LYPLAL1: variants seen among roughly 807,000 people sequenced by gnomAD.
LYPLAL1 encodes lysophospholipase-like protein 1.
Under a neutral mutation model 19.7 loss-of-function variants are expected in LYPLAL1, and 23 were observed. That is an observed-to-expected ratio of 1.17 (90% confidence interval 0.84 to 1.65). The LOEUF is 1.65. Ranked by LOEUF, LYPLAL1 falls within the 40% of genes most tolerant of loss-of-function variation. The probability of loss-of-function intolerance (pLI) is 0.00; values close to 1 mark genes in which losing one functional copy is unlikely to be tolerated. For synonymous variants in LYPLAL1, 119 were observed against 96.3 expected (o/e 1.24, Z -1.38); for missense variants, 355 against 279.4 (o/e 1.27, Z -1.93).
At chr1:219,382,887 G>A in the LYPLAL1 span, among the ~76,000 whole-genome samples, 437 of 149,212 alleles carry the variant, frequency 2.9e-3, 1 homozygote, top group Non-Finnish European at 5.2e-3. Flanking sequence ...CAAAAAATAT[G>A]GCCAACTCCA....
chr1:219,307,023 CATATATATATATATATATGTAT>C, the LYPLAL1 span, among the ~76,000 whole-genome samples: 27,723 of 119,392 alleles, frequency 0.23, 3,598 homozygotes, highest in Non-Finnish European at 0.34. Flanking sequence ...TATACACATA[CATATATATATATATATATGTAT>C]ATATATATAT....
the LYPLAL1 span, among the ~76,000 whole-genome samples, chr1:219,312,008 G>T: frequency 6.6e-6 from 1 of 152,138 alleles, no homozygotes; most frequent in Non-Finnish European, 1.5e-5. Context: ...ATTTTTGTTT[G>T]AATTACTCTA....
chr1:219,305,474 A>G, the LYPLAL1 span, among the ~76,000 whole-genome samples: 9 of 152,202 alleles, frequency 5.9e-5, no homozygotes, highest in African/African-American at 1.7e-4. Context: ...TCATTTATCT[A>G]TAAAGGATGT....
chr1:219,174,808 G>A lies in LYPLAL1; in HGVS notation c.91+827G>A, dbSNP rs994917093. 8 of 694,316 alleles carry A rather than the reference G, an allele frequency of 1.2e-5. No individual in the cohort carries two copies. The Admixed American group carries it at 2.5e-4, about 22-fold the overall frequency. The allele number at this position is 694,316 out of a possible 1,614,324, so 43.0% of individuals were successfully genotyped here. ...GAAATGTTTTTTAAAGAAATGAGAT[G>A]CAGCCGGTGTCCTCAGGGGGCCTAC... On this transcript the variant is annotated intron_variant, in intron 1 of 4. Transcript: ENST00000366928.
the LYPLAL1 span, among the ~76,000 whole-genome samples, chr1:219,427,030 T>A: frequency 6.6e-6 from 1 of 152,264 alleles, no homozygotes; most frequent in South Asian, 2.1e-4. Context: ...TAGCCCCATA[T>A]TATAATAATA....
At chr1:219,289,550 TCTATAATACAAGCCAATAGG>T in the LYPLAL1 span, among the ~76,000 whole-genome samples, 3 of 152,062 alleles carry the variant, frequency 2.0e-5, no homozygotes, top group African/African-American at 7.2e-5. Flanking sequence ...CACATAAAAA[TCTATAATACAAGCCAATAGG>T]CTGTAGAGTG....
At chr1:219,254,872 G>A in the LYPLAL1 span, among the ~76,000 whole-genome samples, 8 of 151,948 alleles carry the variant, frequency 5.3e-5, no homozygotes, top group Admixed American at 5.3e-4. Context: ...TATTTTCCAA[G>A]TTGTCTGCCC....
chr1:219,205,668 ATAGT>A (rs1307842061), intron 3 of LYPLAL1, among the ~76,000 whole-genome samples: 1 of 152,128 alleles, frequency 6.6e-6, no homozygotes, highest in African/African-American at 2.4e-5. Flanking sequence ...AAATGAAGGG[ATAGT>A]TAGAATTCCC....
the LYPLAL1 span, among the ~76,000 whole-genome samples, chr1:219,431,075 T>C: frequency 6.6e-5 from 10 of 152,324 alleles, no homozygotes; most frequent in African/African-American, 2.2e-4. Context: ...TTATTTAATT[T>C]TGTGTACTTC....
chr1:219,293,709 T>C, the LYPLAL1 span, among the ~76,000 whole-genome samples: 1 of 152,234 alleles, frequency 6.6e-6, no homozygotes, highest in African/African-American at 2.4e-5. Context: ...TGATTATGAC[T>C]GAGCCACTAG....
intron 3 of LYPLAL1, among the ~76,000 whole-genome samples, chr1:219,205,990 A>G (rs1658541096): frequency 6.6e-6 from 1 of 152,162 alleles, no homozygotes; most frequent in Non-Finnish European, 1.5e-5. Context: ...CCAAATCTGA[A>G]GAATAATTAT....
At chr1:219,210,493 T>C (rs770446931) in intron 3 of LYPLAL1, 39 bp from the exon 4 acceptor site, 9 of 1,152,152 alleles carry the variant, frequency 7.8e-6, no homozygotes, top group South Asian at 1.4e-5. Flanking sequence ...TAAATTATTA[T>C]TTTATGTATT....
the LYPLAL1 span, among the ~76,000 whole-genome samples, chr1:219,306,517 G>T: frequency 2.6e-5 from 4 of 152,108 alleles, no homozygotes; most frequent in African/African-American, 9.7e-5. Context: ...AATTCCTTCT[G>T]CATATCAACA....
chr1:219,348,796 G>A, the LYPLAL1 span, among the ~76,000 whole-genome samples: 33 of 152,048 alleles, frequency 2.2e-4, no homozygotes, highest in Non-Finnish European at 8.8e-5. Context: ...TTGAGTGCCT[G>A]CTATATATCA....
the LYPLAL1 span, chr1:219,409,467 C>CACACACACATACACACACAT: frequency 6.8e-6 from 1 of 146,698 alleles, no homozygotes; most frequent in Middle Eastern, 3.5e-3. Context: ...CACACACACA[C>CACACACACATACACACACAT]AAATTTTATT....
the LYPLAL1 span, among the ~76,000 whole-genome samples, chr1:219,436,446 C>A: frequency 6.6e-6 from 1 of 151,944 alleles, no homozygotes; most frequent in African/African-American, 2.4e-5. Flanking sequence ...GAAATTTGAA[C>A]ATTTTTGTGG....
the LYPLAL1 span, among the ~76,000 whole-genome samples, chr1:219,253,024 T>C: frequency 6.6e-6 from 1 of 152,054 alleles, no homozygotes; most frequent in Admixed American, 6.6e-5. Flanking sequence ...AGAGAATGTA[T>C]GTGACCATGA....
the LYPLAL1 span, among the ~76,000 whole-genome samples, chr1:219,224,580 T>C: frequency 3.3e-5 from 5 of 152,156 alleles, no homozygotes; most frequent in Non-Finnish European, 7.4e-5. Flanking sequence ...ATAATTCTCC[T>C]TATGGATGTT....
chr1:219,280,426 T>C, the LYPLAL1 span, among the ~76,000 whole-genome samples: 1 of 152,190 alleles, frequency 6.6e-6, no homozygotes, highest in East Asian at 1.9e-4. Context: ...AGGATTTGAA[T>C]CTCCAATTTA....
Sources: gnomAD v4.1 joint callset for allele counts (sites outside exome capture counted in the v4.1 genomes callset) on GRCh38, gnomAD v4.1.1 for gene constraint, MANE v1.5 for transcripts, NCBI Gene and HGNC (gene_info 2026-07-23, HGNC 2026-07-21) for gene names.